DLGAP2: variants seen among roughly 807,000 people sequenced by gnomAD.
DLGAP2 encodes DLG associated protein 2, also known as disks large-associated protein 2.
DLGAP2 carries 26 observed loss-of-function variants against 100.3 expected under a neutral mutation model. That is an observed-to-expected ratio of 0.26 (90% CI 0.19 to 0.36). The LOEUF (loss-of-function observed/expected upper bound fraction) is 0.36, where lower values mean the gene tolerates loss of function less well. Ranked by LOEUF, DLGAP2 falls within the 10% of genes least tolerant of loss-of-function variation. The probability of loss-of-function intolerance (pLI) is 1.00; values close to 1 mark genes in which losing one functional copy is unlikely to be tolerated. For synonymous variants in DLGAP2, 886 were observed against 630.1 expected (o/e 1.41, Z -6.08); for missense variants, 1,858 against 1,453.2 (o/e 1.28, Z -4.53).
chr8:1,573,276 CTG>C (rs1802820086), intron 6 of DLGAP2, among the ~76,000 whole-genome samples: 1 of 99,714 alleles, frequency 1.0e-5, no homozygotes, highest in African/African-American at 4.1e-5. Context: ...AGAGGGTGGA[CTG>C]TGGGGGTGTC....
At chr8:1,292,212 G>A (rs906184772) in intron 3 of DLGAP2, among the ~76,000 whole-genome samples, 1 of 152,222 alleles carries the variant, frequency 6.6e-6, no homozygotes, top group Non-Finnish European at 1.5e-5. Context: ...TGGCTGGAAA[G>A]TGAGCTCTGT....
At chr8:970,665 G>A (rs974834493) in intron 2 of DLGAP2, among the ~76,000 whole-genome samples, 1 of 152,214 alleles carries the variant, frequency 6.6e-6, no homozygotes, top group African/African-American at 2.4e-5. Context: ...GGGAACATGT[G>A]TGTTCTGTGT....
At chr8:1,172,100 A>T (rs895486027) in intron 2 of DLGAP2, among the ~76,000 whole-genome samples, 11 of 151,684 alleles carry the variant, frequency 7.3e-5, no homozygotes, top group African/African-American at 2.7e-4. Flanking sequence ...ATCTCTCAGC[A>T]TTTGCTTGTC....
At chr8:1,282,645 C>T (rs1329342357) in intron 3 of DLGAP2, among the ~76,000 whole-genome samples, 16 of 126,772 alleles carry the variant, frequency 1.3e-4, no homozygotes, top group African/African-American at 4.0e-4. Flanking sequence ...CTGAACCCAG[C>T]GCATGAACCA....
chr8:1,391,157 T>C (rs1200055438), intron 3 of DLGAP2, among the ~76,000 whole-genome samples: 1 of 152,200 alleles, frequency 6.6e-6, no homozygotes, highest in Non-Finnish European at 1.5e-5. Flanking sequence ...GAGACCCCGG[T>C]TGGCTAGATG....
At chr8:1,130,346 T>C (rs996851618) in intron 2 of DLGAP2, among the ~76,000 whole-genome samples, 2 of 152,180 alleles carry the variant, frequency 1.3e-5, no homozygotes, top group African/African-American at 4.8e-5. Flanking sequence ...TTTTTTCTCA[T>C]TTATTATTCA....
At chr8:1,028,077 G>A (rs1213970896) in intron 2 of DLGAP2, among the ~76,000 whole-genome samples, 23 of 133,454 alleles carry the variant, frequency 1.7e-4, no homozygotes, top group South Asian at 5.7e-4. Context: ...GGTGCCAAGC[G>A]CCCGTTATTC....
At chr8:1,441,103 T>G (rs912876996) in intron 3 of DLGAP2, among the ~76,000 whole-genome samples, 3 of 152,108 alleles carry the variant, frequency 2.0e-5, no homozygotes, top group Admixed American at 6.5e-5. Context: ...AATCCCAGAA[T>G]AAAAAGCTCC....
At chr8:1,465,479 A>T (rs779847019) in intron 3 of DLGAP2, among the ~76,000 whole-genome samples, 3 of 152,070 alleles carry the variant, frequency 2.0e-5, no homozygotes, top group Non-Finnish European at 4.4e-5. Flanking sequence ...TGGCTCCCAG[A>T]ACTCTGGGAA....
intron 1 of DLGAP2, among the ~76,000 whole-genome samples, chr8:823,930 C>T (rs978016176): frequency 2.0e-5 from 3 of 152,182 alleles, no homozygotes; most frequent in African/African-American, 4.8e-5. Flanking sequence ...ATCCCTTATA[C>T]GATGGAACCC....
At chr8:1,647,320 A>G (rs984677502) in intron 8 of DLGAP2, among the ~76,000 whole-genome samples, 4 of 151,760 alleles carry the variant, frequency 2.6e-5, no homozygotes, top group African/African-American at 7.3e-5. Context: ...CCCCATCTCT[A>G]CTAAACAAAA....
intron 2 of DLGAP2, among the ~76,000 whole-genome samples, chr8:1,216,165 C>T (rs148147738): frequency 6.8e-4 from 104 of 152,298 alleles, no homozygotes; most frequent in Middle Eastern, 6.8e-3. Flanking sequence ...CATGTTTGCA[C>T]ACATCTGCAG....
chr8:1,574,146 G>T (rs1358973631), intron 6 of DLGAP2, among the ~76,000 whole-genome samples: 1 of 152,114 alleles, frequency 6.6e-6, no homozygotes, highest in African/African-American at 2.4e-5. Context: ...ACGGGAGAGG[G>T]AAATAATATT....
chr8:796,973 A>G (rs1033111100), intron 1 of DLGAP2, among the ~76,000 whole-genome samples: 1 of 152,152 alleles, frequency 6.6e-6, no homozygotes, highest in Non-Finnish European at 1.5e-5. Context: ...GCCTTCCCCA[A>G]CTTGCAAACT....
chr8:1,339,089 G>T (rs775298003), intron 3 of DLGAP2, among the ~76,000 whole-genome samples: 37 of 131,810 alleles, frequency 2.8e-4, no homozygotes, highest in Middle Eastern at 4.3e-3. Flanking sequence ...AGGGAAGGCA[G>T]TGACCTCAGC....
At position 884,416 on chromosome 8, in the gene DLGAP2, T is replaced by C. The variant is rs1335271664; in HGVS notation, c.19-23496T>C. Among the ~76,000 whole-genome samples, 5 of 152,242 alleles carry C rather than the reference T, an allele frequency of 3.3e-5. No individual in the cohort carries two copies. In the East Asian group the frequency reaches 9.6e-4, roughly 29 times the overall value. On this transcript the variant is annotated intron_variant, in intron 1 of 14. Transcript: ENST00000637795. ...GTGATGTTGAGCTTTTTTTCATGTT[T>C]GTTGGCTGTGTAAATGTCTTCTTTT...
intron 2 of DLGAP2, among the ~76,000 whole-genome samples, chr8:1,237,591 T>G (rs1292316640): frequency 2.0e-5 from 3 of 146,654 alleles, no homozygotes; most frequent in African/African-American, 7.7e-5. Context: ...CGTGTCTAGT[T>G]CTCTCACATG....
intron 4 of DLGAP2, among the ~76,000 whole-genome samples, chr8:1,543,284 A>G (rs1164492296): frequency 1.3e-5 from 2 of 152,254 alleles, no homozygotes; most frequent in Non-Finnish European, 2.9e-5. Context: ...ACAGTCACAA[A>G]GAAATGCATC....
chr8:1,427,362 C>A (rs1797264710), intron 3 of DLGAP2, among the ~76,000 whole-genome samples: 1 of 152,128 alleles, frequency 6.6e-6, no homozygotes, highest in Non-Finnish European at 1.5e-5. Context: ...TCTTTTTAAG[C>A]ATAACCCAAA....
Sources: allele counts gnomAD v4.1 joint callset (sites outside exome capture counted in the v4.1 genomes callset), GRCh38; gene constraint gnomAD v4.1.1; transcripts MANE v1.5; gene names NCBI Gene and HGNC (gene_info 2026-07-23, HGNC 2026-07-21).